LPCAT3: variants seen among roughly 807,000 people sequenced by gnomAD.
LPCAT3 encodes the protein lysophospholipid acyltransferase 5.
In LPCAT3, 21 loss-of-function variants were observed where a neutral mutation model predicts 63.4. That is an observed-to-expected ratio of 0.33 (90% confidence interval 0.23 to 0.48). The LOEUF (loss-of-function observed/expected upper bound fraction) is 0.48, where lower values mean the gene tolerates loss of function less well. Ranked by LOEUF, LPCAT3 falls within the 20% of genes least tolerant of loss-of-function variation. The pLI is 0.99. For synonymous variants in LPCAT3, 242 were observed against 227.5 expected (o/e 1.06, Z -0.58); for missense variants, 451 against 590.6 (o/e 0.76, Z 2.45).
At position 6,996,817 on chromosome 12, in the gene LPCAT3, C is replaced by T. The variant is rs782057608; in HGVS notation, c.152-13278G>A. On this transcript the variant is annotated intron_variant, in intron 1 of 12. Transcript: ENST00000261407. ...AGAAATCAATCTCGACCACAGTGGT[C>T]GGGAGAAGTAGTTCTTGAACAGAGA... Among the ~76,000 whole-genome samples, 4 of 152,188 alleles carry T rather than the reference C, an allele frequency of 2.6e-5. No individual in the cohort carries two copies. In the East Asian group the frequency reaches 5.8e-4, roughly 22 times the overall value.
At chr12:6,994,357 A>G (rs1946617331) in intron 1 of LPCAT3, among the ~76,000 whole-genome samples, 1 of 152,028 alleles carries the variant, frequency 6.6e-6, no homozygotes, top group Non-Finnish European at 1.5e-5. Flanking sequence ...ACAGGTGTGC[A>G]CCACCATGCC....
At chr12:6,983,634 GGA>G in intron 1 of LPCAT3, 95 bp from the exon 2 acceptor site, 8 of 745,188 alleles carry the variant, frequency 1.1e-5, no homozygotes, top group Non-Finnish European at 1.4e-5. Flanking sequence ...CAGCCCAGAG[GGA>G]GAGAGAAAAA....
intron 7 of LPCAT3, chr12:6,979,101 C>T (rs962224461): frequency 1.5e-4 from 44 of 299,886 alleles, no homozygotes; most frequent in African/African-American, 9.1e-4. Flanking sequence ...TCCCCCCTTC[C>T]CTTGGTTTCT....
intron 1 of LPCAT3, among the ~76,000 whole-genome samples, chr12:7,000,280 T>C (rs1946673423): frequency 6.6e-6 from 1 of 151,668 alleles, no homozygotes; most frequent in Non-Finnish European, 1.5e-5. Context: ...ACCAGCCATC[T>C]TGCAGGGCAT....
intron 7 of LPCAT3, 114 bp downstream of exon 7, chr12:6,979,357 C>A: frequency 2.6e-6 from 2 of 782,666 alleles, no homozygotes; most frequent in Admixed American, 2.2e-5. Flanking sequence ...AGAGCAAAAC[C>A]AACATGCACT....
At position 7,017,410 on chromosome 12, in the gene LPCAT3, G is replaced by A. The variant is rs1946803456; in HGVS notation, c.151+864C>T. On this transcript the variant is annotated intron_variant, in intron 1 of 12. Transcript: ENST00000261407. This position sits in a 1 kb window ranked among gnomAD's most constrained non-coding sequence, Gnocchi z 4.1. Reference sequence around the variant, plus strand: ...CAGAGGGTTTTGCGGCCTGCGTAGGGTCCTTCAGTTTGTGAGCAGCAACAA... The same window carrying A: ...CAGAGGGTTTTGCGGCCTGCGTAGGATCCTTCAGTTTGTGAGCAGCAACAA... 6.6e-6 allele frequency among the ~76,000 whole-genome samples: 1 copy of A among 152,146 alleles called. No homozygotes were observed. Among genetic ancestry groups the A allele is most frequent in the Non-Finnish European group, 1.5e-5 (1 of 68,024 alleles).
intron 1 of LPCAT3, among the ~76,000 whole-genome samples, chr12:6,992,468 C>T (rs914362507): frequency 1.3e-5 from 2 of 152,248 alleles, no homozygotes; most frequent in South Asian, 2.1e-4. Context: ...TGTGCTAAGG[C>T]GCCAGCAGTT....
rs1946485197 is a variant in LPCAT3, at chr12:6,982,881, A to C, written c.260-99T>G. The C allele has an allele frequency of 1.6e-5, 12 of 755,910 alleles. No individual in the cohort carries two copies. The South Asian group carries it at 2.0e-4, about 13-fold the overall frequency. The allele number at this position is 755,910 out of a possible 1,614,324, so 46.8% of individuals were successfully genotyped here. ...TATATAAAGAAAAAATGTTGGCATC[A>C]GGATCTTTTTTTTCAGAATAACCTC... is the stretch of plus-strand genomic sequence containing the variant. On this transcript the variant is annotated intron_variant, in intron 2 of 12. Transcript: ENST00000261407.
At chr12:6,982,026 C>A (rs926404550) in intron 3 of LPCAT3, 122 bp from the exon 4 acceptor site, 2 of 643,002 alleles carry the variant, frequency 3.1e-6, no homozygotes, top group South Asian at 3.7e-5. Flanking sequence ...TTAATAAATT[C>A]CTACAAATGG....
intron 6 of LPCAT3, chr12:6,980,021 C>CT (rs34110645): frequency 0.21 from 25,356 of 122,756 alleles, 4,159 homozygotes; most frequent in African/African-American, 0.46. Flanking sequence ...GGCAATTAAA[C>CT]TTTTTTTTTT....
rs1555157688 is a variant in LPCAT3, at chr12:7,017,247, A to C, written c.151+1027T>G. Among the ~76,000 whole-genome samples the C allele has an allele frequency of 6.6e-6, 1 of 152,210 alleles. No individual in the cohort carries two copies. Among genetic ancestry groups the C allele is most frequent in the African/African-American group, 2.4e-5 (1 of 41,436 alleles). ...CCGCTCCTAAAGTTCTATAACCTTCATAAAACGTTCCAACTGCTTAAATTT... is the reference window on the plus strand; with the variant it reads ...CCGCTCCTAAAGTTCTATAACCTTCCTAAAACGTTCCAACTGCTTAAATTT... On this transcript the variant is annotated intron_variant, in intron 1 of 12. Transcript: ENST00000261407. The surrounding 1 kb of genome is among the most constrained non-coding windows in gnomAD (Gnocchi z 4.1).
intron 1 of LPCAT3, among the ~76,000 whole-genome samples, chr12:6,989,605 T>C (rs1361378036): frequency 1.3e-5 from 2 of 152,072 alleles, no homozygotes; most frequent in Non-Finnish European, 2.9e-5. Context: ...GCCAATGCTG[T>C]GGTCTTTCAA....
At chr12:7,014,007 G>T (rs2138363304) in intron 1 of LPCAT3, among the ~76,000 whole-genome samples, 1 of 152,328 alleles carries the variant, frequency 6.6e-6, no homozygotes, top group African/African-American at 2.4e-5. Flanking sequence ...ACTACTGACT[G>T]TTCCTTGGCT....
Position 6,981,867 on chromosome 12 carries a change from C to T in LPCAT3, c.404G>A (p.Gly135Asp), listed in dbSNP as rs782068526. 1 of 1,613,746 alleles carries T rather than the reference C, an allele frequency of 6.2e-7. No homozygotes were observed. The highest frequency in any genetic ancestry group is 1.1e-5 in the South Asian group (1 of 91,074). Reference protein sequence around the residue: ...LLAGYYYTATGNYDIKWTMPH... With the variant: ...LLAGYYYTATDNYDIKWTMPH... ...CATTGTCCACTTGATATCGTAGTTG[C>T]CGGTGGCAGTGTAATAGTATCCAGC... The change falls in exon 4 of 13, where the codon GGC becomes GAC. Residue 135 changes from glycine to aspartate, a missense_variant. Around this residue, in one of 3 missense-constraint regions of LPCAT3, gnomAD observed 14 missense variants for 47.8 expected, o/e 0.29. Coordinates refer to ENST00000261407, the MANE Select transcript of LPCAT3 (RefSeq NM_005768.6).
At chr12:6,983,830 C>A (rs1486306703) in intron 1 of LPCAT3, among the ~76,000 whole-genome samples, 1 of 152,096 alleles carries the variant, frequency 6.6e-6, no homozygotes, top group Non-Finnish European at 1.5e-5. Flanking sequence ...GACATTTTCT[C>A]TTACTTGAAT....
chr12:6,981,943 A>G (rs1320148932), intron 3 of LPCAT3, 39 bp from the exon 4 acceptor site: 2 of 1,013,308 alleles, frequency 2.0e-6, no homozygotes, highest in East Asian at 2.4e-5. Context: ...CATCACTACT[A>G]TTTCTTCTCC....
intron 1 of LPCAT3, among the ~76,000 whole-genome samples, chr12:6,986,358 CATTTT>C (rs1946525953): frequency 1.3e-5 from 2 of 152,142 alleles, no homozygotes; most frequent in Admixed American, 1.3e-4. Context: ...CTCTTAATAA[CATTTT>C]CTTTTCTATA....
chr12:6,981,277 G>T, intron 5 of LPCAT3, 95 bp from the exon 6 acceptor site: 2 of 1,035,448 alleles, frequency 1.9e-6, no homozygotes, highest in East Asian at 2.4e-5. Context: ...CCACTGACTG[G>T]GGTTCTTCAA....
chr12:6,977,607 C>T lies in LPCAT3; in HGVS notation c.1179G>A (p.Val393=), dbSNP rs782264457. 2 of 1,614,182 alleles carry T rather than the reference C, an allele frequency of 1.2e-6. No individual in the cohort carries two copies. The highest frequency in any genetic ancestry group is 2.2e-5 in the East Asian group (1 of 44,880). Residue 393 remains valine (V), a synonymous_variant, in exon 10 of 13, where the codon GTG becomes GTA. Transcript: ENST00000261407. The surrounding 1 kb of genome is among the most constrained non-coding windows in gnomAD (Gnocchi z 4.5). Reference sequence around the variant, plus strand: ...CACCCTGGAGGCCTACCTGTCTTTCCACAATAACAATGAGGAATTCCATCT... The same window carrying T: ...CACCCTGGAGGCCTACCTGTCTTTCTACAATAACAATGAGGAATTCCATCT... ...CFQMEFLIVI[V]ERQAARLIQE...
Sources: allele counts gnomAD v4.1 joint callset (sites outside exome capture counted in the v4.1 genomes callset), GRCh38; gene constraint gnomAD v4.1.1; regional missense constraint gnomAD v4.1.1; non-coding constraint Gnocchi (gnomAD v3.1); transcripts MANE v1.5; gene names NCBI Gene and HGNC (gene_info 2026-07-23, HGNC 2026-07-21).